The following ATP8A1 variants were observed in gnomAD, a reference collection of about 807,000 sequenced individuals.
ATP8A1 encodes the protein ATPase phospholipid transporting 8A1, also known as phospholipid-transporting ATPase IA.
ATP8A1 carries 90 observed loss-of-function variants against 177.7 expected under a neutral mutation model. The ratio of observed to expected loss-of-function variants is 0.51; its 90% CI spans 0.43 to 0.60. The LOEUF is 0.60. Ranked by LOEUF, ATP8A1 falls within the 20% of genes least tolerant of loss-of-function variation. The pLI is 0.00. For synonymous variants in ATP8A1, 493 were observed against 485.9 expected (o/e 1.01, Z -0.19); for missense variants, 1,072 against 1,392.8 (o/e 0.77, Z 3.67).
At chr4:42,633,046 G>A (rs907830338) in intron 1 of ATP8A1, among the ~76,000 whole-genome samples, 1 of 152,194 alleles carries the variant, frequency 6.6e-6, no homozygotes. Flanking sequence ...TTATTGAGAT[G>A]TTTCACAGCA....
intron 5 of ATP8A1, among the ~76,000 whole-genome samples, chr4:42,601,137 G>A (rs1735222865): frequency 7.0e-6 from 1 of 143,598 alleles, no homozygotes; most frequent in Admixed American, 7.5e-5. Context: ...CCAGGTTCAA[G>A]CCATTCTCCT....
chr4:42,574,582 CATGT>C (rs756776739), intron 14 of ATP8A1, 33 bp downstream of exon 14: 4 of 1,485,220 alleles, frequency 2.7e-6, no homozygotes, highest in Non-Finnish European at 3.7e-6. Context: ...ACTAATTAAG[CATGT>C]ATTTCATATC....
intron 15 of ATP8A1, among the ~76,000 whole-genome samples, chr4:42,558,029 CTCAAAAACAAAA>C (rs919357173): frequency 4.1e-5 from 6 of 147,680 alleles, no homozygotes; most frequent in Admixed American, 6.7e-5. Flanking sequence ...AAGACTACAT[CTCAAAAACAAAA>C]ACAAAAACAA....
At chr4:42,479,439 C>T (rs1721427399) in intron 25 of ATP8A1, among the ~76,000 whole-genome samples, 1 of 152,190 alleles carries the variant, frequency 6.6e-6, no homozygotes, top group African/African-American at 2.4e-5. Context: ...ACCAGTTACA[C>T]AAAGCTAACT....
At chr4:42,626,838 T>C (rs1036773583) in intron 2 of ATP8A1, 157 bp downstream of exon 2, 2 of 652,694 alleles carry the variant, frequency 3.1e-6, no homozygotes, top group Non-Finnish European at 5.5e-6. Flanking sequence ...TATTTCTCTA[T>C]GGGAGAGAAG....
In ATP8A1 at chr4:42,637,134, C is replaced by G. The variant is rs1474364572; in HGVS notation, c.50-10025G>C. Reference sequence around the variant, plus strand: ...CTTCTACAAGAAGCTAAGCCCTGTTCCCTGTACCTCAACCGCTAGCTGGCT... The same window carrying G: ...CTTCTACAAGAAGCTAAGCCCTGTTGCCTGTACCTCAACCGCTAGCTGGCT... On this transcript the variant is annotated intron_variant, in intron 1 of 36. Transcript: ENST00000381668. 7.7e-6 allele frequency: 4 copies of G among 518,864 alleles called. No individual in the cohort carries two copies. The Admixed American group carries it at 7.8e-5, about 10-fold the overall frequency. The allele number at this position is 518,864 out of a possible 1,614,324, so 32.1% of individuals were successfully genotyped here. A position where few individuals can be genotyped will look rare whatever the true frequency, so the allele number is the denominator to read the frequency against.
At chr4:42,551,636 CTTTTCCTCCTAAAATG>C (rs1358082648) in intron 17 of ATP8A1, among the ~76,000 whole-genome samples, 1 of 152,144 alleles carries the variant, frequency 6.6e-6, no homozygotes, top group Non-Finnish European at 1.5e-5. Context: ...AACTTTTATC[CTTTTCCTCCTAAAATG>C]TTGAGTCTAG....
chr4:42,445,253 T>C (rs1425538501), intron 31 of ATP8A1, among the ~76,000 whole-genome samples: 1 of 152,190 alleles, frequency 6.6e-6, no homozygotes, highest in Non-Finnish European at 1.5e-5. Context: ...AATTATGAAG[T>C]GTACTTGCCA....
intron 5 of ATP8A1, among the ~76,000 whole-genome samples, chr4:42,614,419 A>G (rs924864233): frequency 1.3e-5 from 2 of 152,262 alleles, no homozygotes; most frequent in Admixed American, 1.3e-4. Flanking sequence ...ATACGGCAAC[A>G]AATGCAAAAA....
chr4:42,421,655 A>G (rs904543860), intron 35 of ATP8A1, among the ~76,000 whole-genome samples: 1 of 152,174 alleles, frequency 6.6e-6, no homozygotes, highest in Admixed American at 6.5e-5. Context: ...AATGAGAGCA[A>G]GAGAGCTGGA....
chr4:42,419,216 T>C (rs770784224), intron 35 of ATP8A1, among the ~76,000 whole-genome samples: 2 of 152,238 alleles, frequency 1.3e-5, no homozygotes, highest in Non-Finnish European at 2.9e-5. Flanking sequence ...CTTTCATCCA[T>C]TCTTTAGTTT....
chr4:42,607,906 T>G (rs977621995), intron 5 of ATP8A1, among the ~76,000 whole-genome samples: 1 of 152,168 alleles, frequency 6.6e-6, no homozygotes, highest in Non-Finnish European at 1.5e-5. Context: ...ACGACAGGAT[T>G]GTCAGAATGG....
chr4:42,522,641 C>A (rs1190504505), intron 21 of ATP8A1, among the ~76,000 whole-genome samples: 1 of 152,178 alleles, frequency 6.6e-6, no homozygotes, highest in Admixed American at 6.5e-5. Context: ...ACGGCTTATA[C>A]ATGTTTCATC....
At chr4:42,440,963 C>G (rs537636030) in intron 33 of ATP8A1, among the ~76,000 whole-genome samples, 1 of 152,214 alleles carries the variant, frequency 6.6e-6, no homozygotes, top group African/African-American at 2.4e-5. Context: ...CAAATCAACA[C>G]AGGAAAGGAC....
intron 1 of ATP8A1, among the ~76,000 whole-genome samples, chr4:42,635,273 C>T (rs147871977): frequency 1.8e-4 from 27 of 151,910 alleles, no homozygotes; most frequent in Middle Eastern, 6.8e-3. Flanking sequence ...CCTGGTAATA[C>T]GGTTATAGAA....
rs1482172817 is a variant in ATP8A1, at chr4:42,636,158, G to GCGCGTGCGCGCGCGCA, written c.50-9050_50-9049insTGCGCGCGCGCACGCG. Among the ~76,000 whole-genome samples the GCGCGTGCGCGCGCGCA allele has an allele frequency of 2.9e-3, 68 of 23,768 alleles. 3 individuals are homozygous for GCGCGTGCGCGCGCGCA. The highest frequency in any genetic ancestry group is 6.4e-3 in the African/African-American group (59 of 9,228). 15.6% of individuals were successfully genotyped at this position (23,768 alleles called of 152,430 possible). A position where few individuals can be genotyped will look rare whatever the true frequency, so the allele number is the denominator to read the frequency against. On this transcript the variant is annotated intron_variant, in intron 1 of 36. Coordinates refer to ENST00000381668, the MANE Select transcript of ATP8A1 (RefSeq NM_006095.2). ...CACACACACACACACACACACACACGCACACACACACACATAAGCTTCTTA... is the reference window on the plus strand; with the variant it reads ...CACACACACACACACACACACACACGCGCGTGCGCGCGCGCACACACACACACACATAAGCTTCTTA...
At chr4:42,513,568 T>C (rs578014974) in intron 22 of ATP8A1, among the ~76,000 whole-genome samples, 1 of 152,090 alleles carries the variant, frequency 6.6e-6, no homozygotes, top group Non-Finnish European at 1.5e-5. Context: ...AGAAATTACA[T>C]GTACAAAGAC....
At chr4:42,556,820 T>C (rs1389574213) in intron 15 of ATP8A1, among the ~76,000 whole-genome samples, 3 of 152,118 alleles carry the variant, frequency 2.0e-5, no homozygotes, top group Non-Finnish European at 4.4e-5. Context: ...TTAGTGAAAA[T>C]ATATACATTT....
chr4:42,411,205 C>CT lies in ATP8A1; in HGVS notation c.*1710dup, dbSNP rs1297115501. 1 of 152,136 alleles carries CT rather than the reference C, an allele frequency of 6.6e-6. No individual in the cohort carries two copies. Among genetic ancestry groups the CT allele is most frequent in the Non-Finnish European group, 1.5e-5 (1 of 68,036 alleles). 9.4% of individuals were successfully genotyped at this position (152,136 alleles called of 1,614,324 possible). ...GAATTATGTATATGTGTTATAACCTCTTATTTGTAGAAAATGGAGAGGCAT... is the reference window on the plus strand; with the variant it reads ...GAATTATGTATATGTGTTATAACCTCTTTATTTGTAGAAAATGGAGAGGCAT... On this transcript the variant is annotated 3_prime_UTR_variant, in exon 37 of 37. Coordinates refer to ENST00000381668, the MANE Select transcript of ATP8A1 (RefSeq NM_006095.2).
Sources: gnomAD v4.1 joint callset for allele counts (sites outside exome capture counted in the v4.1 genomes callset) on GRCh38, gnomAD v4.1.1 for gene constraint, MANE v1.5 for transcripts, NCBI Gene and HGNC (gene_info 2026-07-23, HGNC 2026-07-21) for gene names.